The following ARFRP1 variants were observed in gnomAD, a reference collection of about 807,000 sequenced individuals.
ARFRP1 encodes the protein ADP-ribosylation factor-related protein 1.
Under a neutral mutation model 30.3 loss-of-function variants are expected in ARFRP1, and 19 were observed. The observed-to-expected ratio is 0.63, with a 90% confidence interval of 0.44 to 0.92. ARFRP1 has a LOEUF of 0.92. ARFRP1 is among the 40% of genes least tolerant of loss of function. The pLI, the probability that ARFRP1 is intolerant of heterozygous loss-of-function variation, is 0.00. For synonymous variants in ARFRP1, 133 were observed against 114.2 expected (o/e 1.16, Z -1.05); for missense variants, 245 against 267.5 (o/e 0.92, Z 0.59).
chr20:63,702,404 C>T (rs1601249246), intron 4 of ARFRP1, 187 bp from the exon 5 acceptor site: 8 of 609,830 alleles, frequency 1.3e-5, no homozygotes, highest in Admixed American at 2.9e-5. Context: ...TGTCCCCAGA[C>T]GCTGCTCCTG....
chr20:63,704,257 T>A (rs2091349629), intron 4 of ARFRP1: 1 of 152,222 alleles, frequency 6.6e-6, no homozygotes, highest in African/African-American at 2.4e-5. Context: ...TCCCTCCCAG[T>A]GACCTAGGGG....
intron 6 of ARFRP1, chr20:63,701,521 G>A (rs1334298076): frequency 1.8e-6 from 1 of 551,220 alleles, no homozygotes; most frequent in East Asian, 3.2e-5. Flanking sequence ...AGTTTCACCT[G>A]GGTGTCCCCA....
chr20:63,706,901 G>C, intron 2 of ARFRP1, 98 bp downstream of exon 2: 1 of 1,429,710 alleles, frequency 7.0e-7, no homozygotes. Context: ...GTGAAATTTG[G>C]CTTCCGTCTG....
Position 63,700,083 on chromosome 20 carries a change from C to T in ARFRP1, c.*360G>A, listed in dbSNP as rs890069579. On this transcript the variant is annotated 3_prime_UTR_variant, in exon 8 of 8. Transcript: ENST00000622789. ...GGGCGGAGACAGCCACGGGGTCTCCCGAGGGTCCCACAGGGCTGTCCTCAT... is the reference window on the plus strand; with the variant it reads ...GGGCGGAGACAGCCACGGGGTCTCCTGAGGGTCCCACAGGGCTGTCCTCAT... The T allele has an allele frequency of 4.2e-5, 14 of 330,702 alleles. No homozygotes were observed. Among genetic ancestry groups the T allele is most frequent in the East Asian group, 1.5e-4 (2 of 12,992 alleles). 20.5% of individuals were successfully genotyped at this position (330,702 alleles called of 1,614,324 possible). A position where few individuals can be genotyped will look rare whatever the true frequency, so the allele number is the denominator to read the frequency against.
At chr20:63,705,763 C>A (rs952777332) in intron 4 of ARFRP1, 1 of 533,132 alleles carries the variant, frequency 1.9e-6, no homozygotes, top group Non-Finnish European at 3.8e-6. Context: ...TGCAGGGTCC[C>A]CAGGTCCCCA....
At chr20:63,705,548 T>G (rs1286262198) in intron 4 of ARFRP1, 1 of 459,350 alleles carries the variant, frequency 2.2e-6, no homozygotes. Flanking sequence ...AAAACCTGTG[T>G]CAAAATAGGA....
chr20:63,706,717 T>G lies in ARFRP1; in HGVS notation c.115A>C (p.Thr39Pro). Residue 39 changes from threonine to proline, a missense_variant, in exon 3 of 8, where the codon ACC becomes CCC. By Grantham distance (38) the Thr-to-Pro change is conservative. Coordinates refer to ENST00000622789, the MANE Select transcript of ARFRP1 (RefSeq NM_001267547.3). The stretch of plus-strand genomic sequence containing the variant: ...CCCTTGTAGTTCTTGTTAAATCGGG[T>G]TTTCGACTGCTCCAGGAAGGTCTGA... ...GKTTFLEQSK[T>P]RFNKNYKGMS... The G allele has an allele frequency of 6.2e-7, 1 of 1,613,854 alleles. No homozygotes were observed. The highest frequency in any genetic ancestry group is 8.5e-7 in the Non-Finnish European group (1 of 1,179,792).
intron 1 of ARFRP1, chr20:63,707,367 G>A (rs2145610315): frequency 2.5e-6 from 1 of 395,482 alleles, no homozygotes; most frequent in South Asian, 3.5e-5. Flanking sequence ...CTACCCAGCC[G>A]GGTGTTCACA....
rs1349582408 is a variant in ARFRP1, at chr20:63,699,187, G to A, written c.*1256C>T. 1.3e-5 allele frequency: 2 copies of A among 152,192 alleles called. No individual in the cohort carries two copies. Among genetic ancestry groups the A allele is most frequent in the African/African-American group, 4.8e-5 (2 of 41,396 alleles). The allele number at this position is 152,192 out of a possible 1,614,324, so 9.4% of individuals were successfully genotyped here. ...CACGGCCAGGTTCCCGGGGCTGGAG[G>A]TCCCCCCCAGGTCCTGGGAACCAAC... On this transcript the variant is annotated 3_prime_UTR_variant, in exon 8 of 8. Coordinates refer to ENST00000622789, the MANE Select transcript of ARFRP1 (RefSeq NM_001267547.3).
In ARFRP1 at chr20:63,702,007, C is replaced by G. The variant is rs1016726154; in HGVS notation, c.347-107G>C. The G allele has an allele frequency of 3.7e-4, 381 of 1,030,042 alleles. 8 individuals carry two copies. The South Asian group carries it at 5.3e-3, about 14-fold the overall frequency. 63.8% of individuals were successfully genotyped at this position (1,030,042 alleles called of 1,614,324 possible). A position where few individuals can be genotyped will look rare whatever the true frequency, so the allele number is the denominator to read the frequency against. ...GACAGCCACTCCCTCTGCCCCCCCC[C>G]CCCCCGTCACCCACTAGGCAGGAGC... is the stretch of plus-strand genomic sequence containing the variant. On this transcript the variant is annotated intron_variant, in intron 5 of 7. Transcript: ENST00000622789.
In ARFRP1 at chr20:63,707,121, T is replaced by C. The variant is rs765015965; in HGVS notation, c.-6-24A>G. On this transcript the variant is annotated intron_variant, in intron 1 of 7. Coordinates refer to ENST00000622789, the MANE Select transcript of ARFRP1 (RefSeq NM_001267547.3). ...CCCTGGGCACCCCAACATAGGTCAGTGTGCAGCCAGAAAGCACCTCCCCTC... is the reference window on the plus strand; with the variant it reads ...CCCTGGGCACCCCAACATAGGTCAGCGTGCAGCCAGAAAGCACCTCCCCTC... 6 of 1,575,462 alleles carry C rather than the reference T, an allele frequency of 3.8e-6. No individual in the cohort carries two copies. In the Admixed American group the frequency reaches 9.1e-5, roughly 24 times the overall value.
intron 4 of ARFRP1, chr20:63,703,052 T>G (rs539330237): frequency 1.3e-5 from 2 of 152,074 alleles, no homozygotes; most frequent in African/African-American, 4.8e-5. Flanking sequence ...TCTATCTCAA[T>G]CAGAAAAAAA....
intron 2 of ARFRP1, 87 bp downstream of exon 2, chr20:63,706,912 G>A (rs978222058): frequency 1.4e-4 from 210 of 1,506,206 alleles, no homozygotes; most frequent in Admixed American, 1.4e-4. Flanking sequence ...CTTCCGTCTG[G>A]GTAGTGAACG....
rs2091527175 is a variant in ARFRP1 at position 63,707,249 on chromosome 20, G to A, written c.-6-152C>T. 2.0e-5 allele frequency: 13 copies of A among 643,870 alleles called. No homozygotes were observed. The South Asian group carries it at 2.2e-4, about 11-fold the overall frequency. 39.9% of individuals were successfully genotyped at this position (643,870 alleles called of 1,614,324 possible). A position where few individuals can be genotyped will look rare whatever the true frequency, so the allele number is the denominator to read the frequency against. On this transcript the variant is annotated intron_variant, in intron 1 of 7. Transcript: ENST00000622789. ...CGACTCCTCGTCCCTCTCCCACCCC[G>A]TCCCTCTGTAACTTCTCCCAGGTCA...
chr20:63,702,561 G>T (rs1201372020), intron 4 of ARFRP1: 2 of 336,492 alleles, frequency 5.9e-6, no homozygotes, highest in East Asian at 1.4e-4. Flanking sequence ...GCCAACCTGG[G>T]CAACACAGTG....
chr20:63,702,000 C>CA, intron 5 of ARFRP1, 100 bp from the exon 6 acceptor site: 11 of 152,822 alleles, frequency 7.2e-5, no homozygotes, highest in Admixed American at 5.1e-4. Flanking sequence ...CTCCCTCTGC[C>CA]CCCCCCCCCC....
Position 63,706,793 on chromosome 20 carries a change from A to G in ARFRP1, c.94-55T>C, listed in dbSNP as rs74509631. The G allele has an allele frequency of 1.1e-3, 1,626 of 1,437,078 alleles. 14 individuals carry two copies. The African/African-American group carries it at 0.021, about 18-fold the overall frequency. 89.0% of individuals were successfully genotyped at this position (1,437,078 alleles called of 1,614,324 possible). A position where few individuals can be genotyped will look rare whatever the true frequency, so the allele number is the denominator to read the frequency against. On this transcript the variant is annotated intron_variant, in intron 2 of 7. Coordinates refer to ENST00000622789, the MANE Select transcript of ARFRP1 (RefSeq NM_001267547.3). ...CAAGGAGGGGCTATACTGGCTTCCAAATATCCTTACTCAGGTCTGTTCTTT... is the reference window on the plus strand; with the variant it reads ...CAAGGAGGGGCTATACTGGCTTCCAGATATCCTTACTCAGGTCTGTTCTTT...
chr20:63,701,998 G>GGGGGGGGGGC, intron 5 of ARFRP1, 98 bp from the exon 6 acceptor site: 1 of 583,916 alleles, frequency 1.7e-6, no homozygotes. Flanking sequence ...CACTCCCTCT[G>GGGGGGGGGGC]CCCCCCCCCC....
chr20:63,702,644 G>A (rs1568756764), intron 4 of ARFRP1: 1 of 202,344 alleles, frequency 4.9e-6, no homozygotes, highest in Non-Finnish European at 1.0e-5. Flanking sequence ...TGAGGTGGGA[G>A]GATGGCTTGA....
Sources: gnomAD v4.1 joint callset for allele counts on GRCh38, gnomAD v4.1.1 for gene constraint, MANE v1.5 for transcripts, NCBI Gene and HGNC (gene_info 2026-07-23, HGNC 2026-07-21) for gene names.